Variants in TAF1D observed in about 807,000 individuals in gnomAD.
TAF1D encodes TATA-box binding protein associated factor, RNA polymerase I subunit D, also known as TATA box-binding protein-associated factor RNA polymerase I subunit D.
In TAF1D, 23 loss-of-function variants were observed where a neutral mutation model predicts 26.2. The observed-to-expected ratio is 0.88, with a 90% CI of 0.63 to 1.25. The LOEUF (loss-of-function observed/expected upper bound fraction) is 1.25. Among genes scored for constraint, TAF1D ranks in the 50% most tolerant of loss-of-function variants. The pLI is 0.00. For synonymous variants in TAF1D, 100 were observed against 105.6 expected (o/e 0.95, Z 0.33); for missense variants, 299 against 322.0 (o/e 0.93, Z 0.55).
At chr11:93,735,190 T>G, downstream of TAF1D, 2 of 1,352,112 alleles carry the variant, frequency 1.5e-6, no homozygotes, top group Non-Finnish European at 2.0e-6. Flanking sequence ...TTTTTGCACC[T>G]ATCTGTAAGT....
intron 3 of TAF1D, 134 bp from the exon 4 acceptor site, chr11:93,737,373 G>C (rs553725376): frequency 5.8e-6 from 3 of 521,630 alleles, no homozygotes; most frequent in Non-Finnish European, 6.7e-6. Context: ...CCCACTTGTG[G>C]ACTTATCAAA....
At chr11:93,730,314 C>CATTAGACAAAATTATTT (rs768702791) in exon 12 of TAF1D, 2 of 1,283,832 alleles carry the variant, frequency 1.6e-6, no homozygotes, top group African/African-American at 3.0e-5. Flanking sequence ...GTATATGTAG[C>CATTAGACAAAATTATTT]ATTAGACAAA....
chr11:93,731,367 A>T, downstream of TAF1D: 2 of 369,300 alleles, frequency 5.4e-6, no homozygotes, highest in Non-Finnish European at 1.1e-5. Context: ...AGCTATTTAA[A>T]CTAATAGGTA....
chr11:93,740,235 T>C (rs1446699915), intron 1 of TAF1D, among the ~76,000 whole-genome samples: 3 of 151,130 alleles, frequency 2.0e-5, no homozygotes, highest in Non-Finnish European at 4.4e-5. Context: ...GAGGTGGAGC[T>C]TGTATGTAGT....
At position 93,739,261 on chromosome 11, in the gene TAF1D, T is replaced by C; in HGVS notation, c.44A>G (p.Asp15Gly). 1.2e-6 allele frequency: 2 copies of C among 1,613,176 alleles called. No homozygotes were observed. The highest frequency in any genetic ancestry group is 2.2e-5 in the South Asian group (2 of 90,830). Reference sequence around the variant, plus strand: ...CCTTCGATTTGCAAGTTCCACAGCATCAGATGTCACATGGTCAAGAGAATC... The same window carrying C: ...CCTTCGATTTGCAAGTTCCACAGCACCAGATGTCACATGGTCAAGAGAATC... ...GIDSLDHVTS[D>G]AVELANRSDN... Residue 15 changes from aspartate to glycine, a missense_variant, in exon 2 of 6, where the codon GAT becomes GGT. Physicochemically the swap from Asp to Gly is moderately conservative, Grantham distance 94 (BLOSUM62 -1). Transcript: ENST00000448108.
downstream of TAF1D, chr11:93,735,282 G>C (rs1016386367): frequency 2.3e-6 from 3 of 1,286,506 alleles, no homozygotes; most frequent in Admixed American, 4.3e-5. Flanking sequence ...CTATCGTGGT[G>C]ATCAAAATAA....
At chr11:93,731,434 G>C (rs1938750075), downstream of TAF1D, 1 of 506,678 alleles carries the variant, frequency 2.0e-6, no homozygotes, top group Non-Finnish European at 3.9e-6. Flanking sequence ...CTATGATCAT[G>C]TTTCTGGTAA....
Position 93,736,710 on chromosome 11 carries a change from C to T in TAF1D, c.677G>A (p.Cys226Tyr), listed in dbSNP as rs1940871355. The change falls in exon 5 of 6, where the codon TGT becomes TAT. Residue 226 changes from cysteine to tyrosine, a missense_variant. Physicochemically the swap from Cys to Tyr is radical, Grantham distance 194. Transcript: ENST00000448108. ...GTCACTTACTGCCAATTTGATATCA[C>T]ATTCGTTATCTTCAAGATGTGTTGC... Reference protein sequence around the residue: ...EDATHLEDNECDIKLAGDSFI... With the variant: ...EDATHLEDNEYDIKLAGDSFI... 6.2e-7 allele frequency: 1 copy of T among 1,611,598 alleles called. No homozygotes were observed. Among genetic ancestry groups the T allele is most frequent in the African/African-American group, 1.3e-5 (1 of 74,826 alleles).
At chr11:93,741,076 C>T (rs1941932310) in intron 1 of TAF1D, among the ~76,000 whole-genome samples, 1 of 152,174 alleles carries the variant, frequency 6.6e-6, no homozygotes, top group Admixed American at 6.5e-5. Context: ...TAAACTTGTC[C>T]GCAACACGAT....
chr11:93,740,339 C>G (rs1288354344), intron 1 of TAF1D, among the ~76,000 whole-genome samples: 1 of 147,936 alleles, frequency 6.8e-6, no homozygotes, highest in Non-Finnish European at 1.5e-5. Flanking sequence ...CCCAGCCACT[C>G]GGGAGGATCG....
chr11:93,735,475 G>C, downstream of TAF1D: 1 of 441,536 alleles, frequency 2.3e-6, no homozygotes, highest in Non-Finnish European at 3.1e-6. Flanking sequence ...CTGAGGTCAG[G>C]AGTTCGAGAC....
chr11:93,740,339 CGGGAG>C (rs200504466), intron 1 of TAF1D, among the ~76,000 whole-genome samples: 1,998 of 148,020 alleles, frequency 0.013, 50 homozygotes, highest in African/African-American at 0.047. Context: ...CCCAGCCACT[CGGGAG>C]GATCGCTTAA....
rs1252674527 is a variant in TAF1D, at chr11:93,737,061, T to TA, written c.635+2dup. 6.3e-7 allele frequency: 1 copy of TA among 1,584,676 alleles called. No homozygotes were observed. Among genetic ancestry groups the TA allele is most frequent in the African/African-American group, 1.4e-5 (1 of 73,532 alleles). On this transcript the variant is annotated splice_region_variant and intron_variant, in intron 4 of 5. Coordinates refer to ENST00000448108, the MANE Select transcript of TAF1D (RefSeq NM_024116.4). ...CCAAAGTATTTCATATGATTCCACT[T>TA]ACGTTGACTCCTCAATAGGAGAAAT... is the stretch of plus-strand genomic sequence containing the variant.
rs1210024334 is a variant in TAF1D at position 93,741,485 on chromosome 11, G to T, written c.-191C>A. On this transcript the variant is annotated 5_prime_UTR_variant, in exon 1 of 6. Coordinates refer to ENST00000448108, the MANE Select transcript of TAF1D (RefSeq NM_024116.4). ...ACCAGCCGACCTCCTCCAACCGTGC[G>T]GAAGAAAAGGGTTGGCTATTTCCGT... 1 of 456,154 alleles carries T rather than the reference G, an allele frequency of 2.2e-6. No homozygotes were observed. The allele number at this position is 456,154 out of a possible 1,614,324, so 28.3% of individuals were successfully genotyped here.
At position 93,736,756 on chromosome 11, in the gene TAF1D, A is replaced by G; in HGVS notation, c.636-5T>C. 6.2e-7 allele frequency: 1 copy of G among 1,606,028 alleles called. No homozygotes were observed. The highest frequency in any genetic ancestry group is 8.5e-7 in the Non-Finnish European group (1 of 1,177,668). On this transcript the variant is annotated splice_region_variant and splice_polypyrimidine_tract_variant and intron_variant, in intron 4 of 5. Coordinates refer to ENST00000448108, the MANE Select transcript of TAF1D (RefSeq NM_024116.4). ...GTTGCATCCTCATCCTCTGCTCTGT[A>G]ATATTAAAATTTATCATCGAGATGA...
chr11:93,733,214 ACAGCCATATC>A (rs761161046), downstream of TAF1D: 3 of 518,574 alleles, frequency 5.8e-6, no homozygotes, highest in South Asian at 4.2e-5. Flanking sequence ...AGTTTATTAT[ACAGCCATATC>A]CAGCTCTGTC....
In TAF1D at chr11:93,738,412, A is replaced by T. The variant is rs2135512001; in HGVS notation, c.156T>A (p.Phe52Leu). ...CGTGAACACTTTCAGGTGTACGAAC[A>T]AATTTTCGAATGGGGTTTCTTTTCT... ...KGEKRNPIRK[F>L]VRTPESVHAS... is the part of the protein sequence containing the mutation. Residue 52 changes from phenylalanine (F) to leucine (L), a missense_variant, in exon 3 of 6, where the codon TTT becomes TTA. Physicochemically the swap from Phe to Leu is conservative, Grantham distance 22. Coordinates refer to ENST00000448108, the MANE Select transcript of TAF1D (RefSeq NM_024116.4). 1 of 1,613,308 alleles carries T rather than the reference A, an allele frequency of 6.2e-7. No homozygotes were observed.
At chr11:93,731,699 G>C (rs1847704284), downstream of TAF1D, 1 of 377,910 alleles carries the variant, frequency 2.6e-6, no homozygotes, top group South Asian at 2.0e-5. Context: ...TTGGAGAAAA[G>C]CTAGTATTCA....
At chr11:93,734,096 AAC>A (rs1940108162), downstream of TAF1D, 2 of 153,208 alleles carry the variant, frequency 1.3e-5, no homozygotes, top group African/African-American at 4.8e-5. Context: ...TCAGTATTGC[AAC>A]AGAGGATGTT....
Sources: allele counts gnomAD v4.1 joint callset (sites outside exome capture counted in the v4.1 genomes callset), GRCh38; gene constraint gnomAD v4.1.1; transcripts MANE v1.5; gene names NCBI Gene and HGNC (gene_info 2026-07-23, HGNC 2026-07-21).